Variants in SEPTIN7 observed in about 807,000 individuals in gnomAD.
SEPTIN7 encodes septin 7.
Under a neutral mutation model 63.3 loss-of-function variants are expected in SEPTIN7, and 10 were observed. The observed-to-expected ratio is 0.16, with a 90% CI of 0.10 to 0.27. The LOEUF is 0.27. Among genes scored for constraint, SEPTIN7 ranks in the 10% least tolerant of loss-of-function variants. SEPTIN7 has a pLI of 1.00. For synonymous variants in SEPTIN7, 131 were observed against 165.3 expected, an observed-to-expected ratio of 0.79 and a Z score of 1.59; for missense variants, 310 against 521.0, an observed-to-expected ratio of 0.59 and a Z score of 3.94.
chr7:35,893,560 C>A (rs1562585483), intron 11 of SEPTIN7, among the ~76,000 whole-genome samples: 4 of 152,214 alleles, frequency 2.6e-5, no homozygotes, highest in South Asian at 4.1e-4. Flanking sequence ...TGTGTAAGTA[C>A]ACTATGTTGT....
chr7:35,837,892 TTG>T (rs1784156524), intron 3 of SEPTIN7, among the ~76,000 whole-genome samples: 1 of 151,884 alleles, frequency 6.6e-6, no homozygotes, highest in Non-Finnish European at 1.5e-5. Context: ...CCCCAGCTAA[TTG>T]TGTATTTTTA....
Position 35,882,465 on chromosome 7 carries a change from A to C in SEPTIN7, c.631-19A>C. 10 of 1,438,012 alleles carry C rather than the reference A, an allele frequency of 7.0e-6. No individual in the cohort carries two copies. The highest frequency in any genetic ancestry group is 9.3e-6 in the Non-Finnish European group (10 of 1,078,132). The allele number at this position is 1,438,012 out of a possible 1,614,324, so 89.1% of individuals were successfully genotyped here. A position where few individuals can be genotyped will look rare whatever the true frequency, so the allele number is the denominator to read the frequency against. ...AATTATGTATGGTGCTCTTTTGCTG[A>C]CTACTTCTTCCATTTTAGATAATGA... On this transcript the variant is annotated intron_variant, in intron 7 of 13. Coordinates refer to ENST00000350320, the MANE Select transcript of SEPTIN7 (RefSeq NM_001788.6).
chr7:35,812,158 T>C, intron 1 of SEPTIN7: 1 of 178,494 alleles, frequency 5.6e-6, no homozygotes, highest in South Asian at 7.5e-5. Context: ...AAAAAACAGT[T>C]TTTAGAGAGA....
intron 4 of SEPTIN7, among the ~76,000 whole-genome samples, chr7:35,864,019 A>C (rs1262151357): frequency 6.6e-6 from 1 of 151,420 alleles, no homozygotes; most frequent in Non-Finnish European, 1.5e-5. Flanking sequence ...ATACATTTCA[A>C]GTGCTCAACA....
At chr7:35,851,550 T>C (rs1416378826) in intron 3 of SEPTIN7, among the ~76,000 whole-genome samples, 1 of 152,176 alleles carries the variant, frequency 6.6e-6, no homozygotes, top group Non-Finnish European at 1.5e-5. Context: ...CCAGTATATA[T>C]ATTATTCTGA....
chr7:35,915,179 A>G, the SEPTIN7 span, among the ~76,000 whole-genome samples: 1 of 152,144 alleles, frequency 6.6e-6, no homozygotes, highest in Non-Finnish European at 1.5e-5. Context: ...ACACACATAT[A>G]CATATATGAA....
chr7:35,895,186 A>G (rs187307899), intron 11 of SEPTIN7, among the ~76,000 whole-genome samples: 1 of 152,286 alleles, frequency 6.6e-6, no homozygotes, highest in East Asian at 1.9e-4. Flanking sequence ...CAGCCATTTA[A>G]TAAAAGGTTT....
At chr7:35,829,169 T>C (rs1319833320) in intron 1 of SEPTIN7, among the ~76,000 whole-genome samples, 2 of 130,194 alleles carry the variant, frequency 1.5e-5, no homozygotes, top group African/African-American at 5.9e-5. Flanking sequence ...GGAGTCTCGC[T>C]CTGTCATCCA....
In SEPTIN7 at chr7:35,856,935, C is replaced by T. The variant is rs373023737; in HGVS notation, c.170-6617C>T. On this transcript the variant is annotated intron_variant, in intron 3 of 13. Transcript: ENST00000350320. ...AATAATTAAGGTCTCTTTGATTTGG[C>T]TTTTCTAATTGAATTCGATTCTAGG... 1.4e-4 allele frequency among the ~76,000 whole-genome samples: 21 copies of T among 152,248 alleles called. No individual in the cohort carries two copies. The East Asian group carries it at 2.7e-3, about 20-fold the overall frequency.
chr7:35,830,768 G>A (rs1160496557), intron 1 of SEPTIN7, among the ~76,000 whole-genome samples: 1 of 152,098 alleles, frequency 6.6e-6, no homozygotes, highest in Non-Finnish European at 1.5e-5. Flanking sequence ...TCACAGTTTG[G>A]CCAAGGATTA....
At chr7:35,868,144 A>G (rs1468775706) in intron 4 of SEPTIN7, among the ~76,000 whole-genome samples, 1 of 152,182 alleles carries the variant, frequency 6.6e-6, no homozygotes, top group East Asian at 1.9e-4. Context: ...CGCTGGGATT[A>G]CAGGTGTGAG....
intron 3 of SEPTIN7, among the ~76,000 whole-genome samples, chr7:35,837,880 A>AC (rs1554280266): frequency 6.6e-6 from 1 of 151,766 alleles, no homozygotes; most frequent in Non-Finnish European, 1.5e-5. Context: ...GTGCACCACC[A>AC]CCCCCAGCTA....
chr7:35,823,912 C>T (rs1458872862), intron 1 of SEPTIN7, among the ~76,000 whole-genome samples: 1 of 151,776 alleles, frequency 6.6e-6, no homozygotes, highest in Non-Finnish European at 1.5e-5. Flanking sequence ...TAGGGAAAAT[C>T]CTGTCCTTCA....
At chr7:35,819,189 G>A (rs1031635590) in intron 1 of SEPTIN7, among the ~76,000 whole-genome samples, 1 of 151,962 alleles carries the variant, frequency 6.6e-6, no homozygotes, top group African/African-American at 2.4e-5. Context: ...AGTATCCCTT[G>A]TGATTTAGTT....
At chr7:35,909,783 T>C (rs1413491300), downstream of SEPTIN7, among the ~76,000 whole-genome samples, 1 of 152,252 alleles carries the variant, frequency 6.6e-6, no homozygotes, top group Middle Eastern at 3.2e-3. Context: ...ATAACATTTG[T>C]ATTTGTTATC....
Position 35,904,340 on chromosome 7 carries a change from C to CT in SEPTIN7, c.*49dup. On this transcript the variant is annotated 3_prime_UTR_variant, in exon 14 of 14. Coordinates refer to ENST00000350320, the MANE Select transcript of SEPTIN7 (RefSeq NM_001788.6). The stretch of plus-strand genomic sequence containing the variant: ...AACGTATTAGTTGCCAATATGCCAG[C>CT]TTGGACATCAGTGTTTGTTGGATCC... 6.8e-7 allele frequency: 1 copy of CT among 1,464,772 alleles called. No homozygotes were observed. Among genetic ancestry groups the CT allele is most frequent in the South Asian group, 1.3e-5 (1 of 75,948 alleles). The allele number at this position is 1,464,772 out of a possible 1,614,324, so 90.7% of individuals were successfully genotyped here.
At chr7:35,889,230 A>G (rs372292922) in intron 10 of SEPTIN7, among the ~76,000 whole-genome samples, 1 of 152,228 alleles carries the variant, frequency 6.6e-6, no homozygotes, top group Non-Finnish European at 1.5e-5. Context: ...GTCAGCCGCC[A>G]GATATGCCAG....
rs1162934968 is a variant in SEPTIN7, at chr7:35,890,707, C to T, written c.912C>T (p.Val304=). 3 of 1,594,714 alleles carry T rather than the reference C, an allele frequency of 1.9e-6. No homozygotes were observed. The highest frequency in any genetic ancestry group is 1.7e-5 in the Admixed American group (1 of 57,602). ...ACTTGAAAGATGTTACTAATAATGTCCACTATGAGAACTACAGAAGCAGAA... is the reference window on the plus strand; with the variant it reads ...ACTTGAAAGATGTTACTAATAATGTTCACTATGAGAACTACAGAAGCAGAA... The part of the protein sequence containing the change: ...MQDLKDVTNN[V]HYENYRSRKL... Residue 304 remains valine, a synonymous_variant, in exon 11 of 14, where the codon GTC becomes GTT. Coordinates refer to ENST00000350320, the MANE Select transcript of SEPTIN7 (RefSeq NM_001788.6).
At chr7:35,804,835 G>GTTTTTT (rs57782019) in intron 1 of SEPTIN7, among the ~76,000 whole-genome samples, 5 of 123,302 alleles carry the variant, frequency 4.1e-5, no homozygotes, top group Non-Finnish European at 6.8e-5. Context: ...TTCTTTTTTT[G>GTTTTTT]TTTTTTTTTT....
Sources: allele counts gnomAD v4.1 joint callset (sites outside exome capture counted in the v4.1 genomes callset), GRCh38; gene constraint gnomAD v4.1.1; transcripts MANE v1.5; gene names NCBI Gene and HGNC (gene_info 2026-07-23, HGNC 2026-07-21).